Variants in THSD7A observed in about 807,000 individuals in gnomAD.
THSD7A encodes thrombospondin type-1 domain-containing protein 7A.
THSD7A carries 96 observed loss-of-function variants against 231.3 expected under a neutral mutation model. The ratio of observed to expected loss-of-function variants is 0.41; its 90% CI spans 0.35 to 0.49. The LOEUF is 0.49. Ranked by LOEUF, THSD7A falls within the 20% of genes least tolerant of loss-of-function variation. The probability of loss-of-function intolerance (pLI) is 0.05; values close to 1 mark genes in which losing one functional copy is unlikely to be tolerated. For missense variants in THSD7A, 2,290 were observed against 2,070.2 expected, an observed-to-expected ratio of 1.11 and a Z score of -2.06; for synonymous variants, 940 against 743.3, an observed-to-expected ratio of 1.26 and a Z score of -4.30.
intron 1 of THSD7A, among the ~76,000 whole-genome samples, chr7:11,771,203 T>A (rs1044459747): frequency 2.6e-5 from 4 of 151,222 alleles, no homozygotes; most frequent in Admixed American, 6.6e-5. Flanking sequence ...TTCTCCTCAA[T>A]TATAAAAAAT....
intron 13 of THSD7A, among the ~76,000 whole-genome samples, chr7:11,432,398 C>T (rs1437954460): frequency 1.3e-5 from 2 of 152,034 alleles, no homozygotes; most frequent in Non-Finnish European, 2.9e-5. Flanking sequence ...GTGCATTTTC[C>T]ATAGACGTAA....
chr7:11,735,118 T>G (rs141589499), intron 1 of THSD7A, among the ~76,000 whole-genome samples: 2,082 of 152,036 alleles, frequency 0.014, 50 homozygotes, highest in African/African-American at 0.047. Flanking sequence ...CCAGCTCAAA[T>G]TCTTAGTACT....
intron 1 of THSD7A, among the ~76,000 whole-genome samples, chr7:11,737,643 T>C (rs539959385): frequency 6.6e-6 from 1 of 152,176 alleles, no homozygotes; most frequent in East Asian, 1.9e-4. Flanking sequence ...GCCATAACTT[T>C]GTGTCATATT....
At chr7:11,597,835 G>A (rs1043162680) in intron 2 of THSD7A, among the ~76,000 whole-genome samples, 6 of 152,168 alleles carry the variant, frequency 3.9e-5, no homozygotes, top group African/African-American at 1.2e-4. Flanking sequence ...AGGTCCTGAA[G>A]GCACAAGTAA....
At chr7:11,802,985 G>C (rs1039300242) in intron 1 of THSD7A, among the ~76,000 whole-genome samples, 1 of 152,138 alleles carries the variant, frequency 6.6e-6, no homozygotes. Context: ...TAACATCTGT[G>C]ATCATACATA....
In THSD7A at chr7:11,634,843, T is replaced by C. The variant is rs538134738; in HGVS notation, c.1022+1287A>G. Among the ~76,000 whole-genome samples, 14 of 152,178 alleles carry C rather than the reference T, an allele frequency of 9.2e-5. No homozygotes were observed. The South Asian group carries it at 2.3e-3, about 25-fold the overall frequency. On this transcript the variant is annotated intron_variant, in intron 2 of 27. Coordinates refer to ENST00000423059, the MANE Select transcript of THSD7A (RefSeq NM_015204.3). This position sits in a 1 kb window ranked among gnomAD's most constrained non-coding sequence, Gnocchi z 4.1. ...AAAGTTATTGTCTTAGACAGACCAA[T>C]CAATTTTTGTTTATCTAATTAAACT...
chr7:11,410,657 T>C (rs1356608608), intron 19 of THSD7A: 4 of 152,276 alleles, frequency 2.6e-5, no homozygotes, highest in African/African-American at 9.6e-5. Flanking sequence ...ATCAATTAGA[T>C]AATACCAGTT....
chr7:11,469,577 C>G (rs1038913519), intron 9 of THSD7A, among the ~76,000 whole-genome samples: 1 of 152,102 alleles, frequency 6.6e-6, no homozygotes, highest in African/African-American at 2.4e-5. Context: ...AATACATATA[C>G]CACGATATAT....
At chr7:11,520,843 T>C (rs1436111473) in intron 6 of THSD7A, among the ~76,000 whole-genome samples, 1 of 152,108 alleles carries the variant, frequency 6.6e-6, no homozygotes, top group African/African-American at 2.4e-5. Flanking sequence ...TCAAATGTCA[T>C]TTTGGCATAA....
intron 4 of THSD7A, among the ~76,000 whole-genome samples, chr7:11,585,060 G>C (rs1245281590): frequency 2.0e-5 from 3 of 152,180 alleles, no homozygotes; most frequent in Non-Finnish European, 4.4e-5. Flanking sequence ...ACAAAGCACA[G>C]TACTCATGTT....
chr7:11,523,693 G>T (rs1488945726), intron 6 of THSD7A, among the ~76,000 whole-genome samples: 1 of 151,898 alleles, frequency 6.6e-6, no homozygotes, highest in East Asian at 1.9e-4. Context: ...AAGAACAGAA[G>T]AATTCACAGG....
chr7:11,432,611 G>A (rs1784512169), intron 13 of THSD7A, among the ~76,000 whole-genome samples: 1 of 152,002 alleles, frequency 6.6e-6, no homozygotes, highest in Non-Finnish European at 1.5e-5. Context: ...ATTGTGATAT[G>A]CGTTTTATCT....
chr7:11,402,410 G>T (rs774742988), intron 22 of THSD7A, among the ~76,000 whole-genome samples: 1 of 152,158 alleles, frequency 6.6e-6, no homozygotes, highest in Non-Finnish European at 1.5e-5. Flanking sequence ...ATCCAAGGCC[G>T]ACAGAGCTGG....
At chr7:11,746,515 G>C (rs966404351) in intron 1 of THSD7A, among the ~76,000 whole-genome samples, 4 of 151,838 alleles carry the variant, frequency 2.6e-5, no homozygotes, top group Admixed American at 2.6e-4. Context: ...ACCTCGACAT[G>C]TTTTGAGGAG....
intron 1 of THSD7A, among the ~76,000 whole-genome samples, chr7:11,800,510 T>C (rs949713202): frequency 1.3e-5 from 2 of 152,070 alleles, no homozygotes; most frequent in Non-Finnish European, 2.9e-5. Flanking sequence ...GATTGTGCTG[T>C]TGCACTCTAG....
At chr7:11,378,951 T>G (rs2115291877) in intron 26 of THSD7A, 119 bp downstream of exon 26, 1 of 870,418 alleles carries the variant, frequency 1.1e-6, no homozygotes, top group Non-Finnish European at 1.8e-6. Flanking sequence ...TCAGAATAAA[T>G]GCATGTAGAT....
intron 1 of THSD7A, among the ~76,000 whole-genome samples, chr7:11,673,470 T>A (rs1783489510): frequency 6.6e-6 from 1 of 152,126 alleles, no homozygotes; most frequent in Non-Finnish European, 1.5e-5. Context: ...TCTGCCAGGC[T>A]TGGAAATTGC....
intron 1 of THSD7A, among the ~76,000 whole-genome samples, chr7:11,822,232 T>C (rs893351844): frequency 1.3e-5 from 2 of 152,258 alleles, no homozygotes; most frequent in African/African-American, 4.8e-5. Context: ...CCTTTGTCTA[T>C]CATTCCATTC....
chr7:11,790,950 G>A (rs889821146), intron 1 of THSD7A, among the ~76,000 whole-genome samples: 1 of 151,740 alleles, frequency 6.6e-6, no homozygotes, highest in Non-Finnish European at 1.5e-5. Flanking sequence ...AACAAAATCC[G>A]TTATAGAGAT....
Sources: gnomAD v4.1 joint callset for allele counts (sites outside exome capture counted in the v4.1 genomes callset) on GRCh38, gnomAD v4.1.1 for gene constraint, Gnocchi (gnomAD v3.1) non-coding constraint, MANE v1.5 for transcripts, NCBI Gene and HGNC (gene_info 2026-07-23, HGNC 2026-07-21) for gene names.